The following RAB2B variants were observed in gnomAD, a reference collection of about 807,000 sequenced individuals.
The protein encoded by RAB2B is RAB2B, member RAS oncogene family, also known as ras-related protein Rab-2B.
RAB2B carries 20 observed loss-of-function variants against 29.8 expected under a neutral mutation model. That is an observed-to-expected ratio of 0.67 (90% CI 0.47 to 0.97). RAB2B has a LOEUF of 0.97. Among genes scored for constraint, RAB2B ranks in the 50% least tolerant of loss-of-function variants. The probability of loss-of-function intolerance (pLI) is 0.00; values close to 1 mark genes in which losing one functional copy is unlikely to be tolerated. For synonymous variants in RAB2B, 93 were observed against 91.7 expected (o/e 1.01, Z -0.08); for missense variants, 218 against 272.0 (o/e 0.80, Z 1.40).
chr14:21,463,277 T>C (rs56144428), intron 6 of RAB2B, among the ~76,000 whole-genome samples: 28,592 of 149,168 alleles, frequency 0.19, 3,659 homozygotes, highest in African/African-American at 0.35. Context: ...GATGGAGTTT[T>C]GCTCTGTTGC....
chr14:21,474,750 C>A, intron 3 of RAB2B, 117 bp downstream of exon 3: 1 of 773,474 alleles, frequency 1.3e-6, no homozygotes, highest in Non-Finnish European at 2.2e-6. Flanking sequence ...TTTGATTTCA[C>A]CTTTCCCCTA....
At chr14:21,463,468 A>G (rs1481508584) in intron 6 of RAB2B, among the ~76,000 whole-genome samples, 188 bp downstream of exon 6, 1 of 152,076 alleles carries the variant, frequency 6.6e-6, no homozygotes, top group Non-Finnish European at 1.5e-5. Flanking sequence ...GCTGGTCACA[A>G]ACTCCTGAGC....
chr14:21,475,690 G>A (rs560512217), intron 2 of RAB2B, among the ~76,000 whole-genome samples: 1 of 152,042 alleles, frequency 6.6e-6, no homozygotes, highest in Non-Finnish European at 1.5e-5. Flanking sequence ...AGCCCCTATC[G>A]CAAAGTGAGA....
intron 7 of RAB2B, among the ~76,000 whole-genome samples, chr14:21,462,038 G>T (rs1265717578): frequency 6.6e-6 from 1 of 152,152 alleles, no homozygotes; most frequent in Non-Finnish European, 1.5e-5. Context: ...AAGCAATTAT[G>T]AATTATACCT....
At chr14:21,463,333 G>A (rs555243647) in intron 6 of RAB2B, among the ~76,000 whole-genome samples, 1 of 146,824 alleles carries the variant, frequency 6.8e-6, no homozygotes, top group Admixed American at 7.0e-5. Flanking sequence ...TACAACCTCC[G>A]CCTCCTGGGT....
intron 3 of RAB2B, among the ~76,000 whole-genome samples, chr14:21,470,993 C>CAAAAAAAAAAAA (rs869211285): frequency 3.8e-4 from 38 of 98,758 alleles, no homozygotes; most frequent in African/African-American, 1.3e-3. Context: ...GCTAAAAATA[C>CAAAAAAAAAAAA]AAAAAAAAAA....
At chr14:21,463,829 A>G (rs953934271) in intron 5 of RAB2B, 62 bp from the exon 6 acceptor site, 49 of 1,115,074 alleles carry the variant, frequency 4.4e-5, no homozygotes, top group East Asian at 1.4e-4. Context: ...AGGAAAGTCT[A>G]TTTCTAAAAG....
chr14:21,464,586 G>GTCC (rs1186155280), intron 5 of RAB2B, among the ~76,000 whole-genome samples: 1 of 152,048 alleles, frequency 6.6e-6, no homozygotes, highest in Admixed American at 6.6e-5. Flanking sequence ...GCATATAAAA[G>GTCC]CAGCTTGCCA....
Position 21,468,730 on chromosome 14 carries a change from G to T in RAB2B, c.209C>A (p.Ser70Tyr). The T allele has an allele frequency of 6.4e-7, 1 of 1,556,674 alleles. No homozygotes were observed. The highest frequency in any genetic ancestry group is 1.4e-5 in the African/African-American group (1 of 72,698). Residue 70 changes from serine (S) to tyrosine (Y), a missense_variant, in exon 4 of 8, where the codon TCT becomes TAT. By Grantham distance (144) the Ser-to-Tyr change is moderately radical. Transcript: ENST00000397762. ...WDTAGQESFR[S>Y]ITRSYYRGAA... ...TCCCCTGTAGTAGGAACGGGTGATA[G>T]AACGGAAGGATTCTTGCCCAGCCTT...
In RAB2B at chr14:21,463,063, G is replaced by C. The variant is rs1694315943; in HGVS notation, c.474+593C>G. 2.0e-5 allele frequency among the ~76,000 whole-genome samples: 3 copies of C among 151,886 alleles called. 1 individual carries two copies. Among genetic ancestry groups the C allele is most frequent in the Admixed American group, 2.0e-4 (3 of 15,244 alleles). On this transcript the variant is annotated intron_variant, in intron 6 of 7. Transcript: ENST00000397762. ...AACACCAGGCCTAGGAATGACTACA[G>C]TAGAACCCATTAGACACTCCAACCA...
chr14:21,475,703 T>C (rs1447254674), intron 2 of RAB2B, among the ~76,000 whole-genome samples: 2 of 152,232 alleles, frequency 1.3e-5, no homozygotes, highest in East Asian at 3.8e-4. Flanking sequence ...AAGTGAGAAT[T>C]CGCTCAATAT....
At chr14:21,473,873 G>A (rs1456212720) in intron 3 of RAB2B, among the ~76,000 whole-genome samples, 9 of 152,140 alleles carry the variant, frequency 5.9e-5, no homozygotes, top group African/African-American at 2.2e-4. Context: ...TTAGCCAGGC[G>A]TGGTGTCAGG....
At chr14:21,469,992 C>A (rs368449580) in intron 3 of RAB2B, among the ~76,000 whole-genome samples, 1 of 147,110 alleles carries the variant, frequency 6.8e-6, no homozygotes, top group African/African-American at 2.6e-5. Flanking sequence ...CGCTCTGTTG[C>A]CCGGGCTGGA....
intron 3 of RAB2B, among the ~76,000 whole-genome samples, chr14:21,473,730 C>A (rs1050279520): frequency 6.6e-6 from 1 of 151,988 alleles, no homozygotes; most frequent in Non-Finnish European, 1.5e-5. Flanking sequence ...ATACAAAAAA[C>A]GTCCGGGAGT....
At chr14:21,465,916 T>TA (rs78493321) in intron 5 of RAB2B, among the ~76,000 whole-genome samples, 1 of 152,034 alleles carries the variant, frequency 6.6e-6, no homozygotes, top group Non-Finnish European at 1.5e-5. Context: ...AATACCCTTT[T>TA]AAAAAAATCT....
intron 5 of RAB2B, among the ~76,000 whole-genome samples, chr14:21,464,942 C>T (rs1890652695): frequency 6.6e-6 from 1 of 151,712 alleles, no homozygotes; most frequent in African/African-American, 2.4e-5. Flanking sequence ...AACAGGTTGC[C>T]GTGAGCTGAG....
intron 5 of RAB2B, among the ~76,000 whole-genome samples, chr14:21,467,730 G>A (rs960344915): frequency 9.2e-5 from 14 of 152,138 alleles, no homozygotes; most frequent in African/African-American, 3.4e-4. Flanking sequence ...ATACCCAAAA[G>A]AATTCAGAGC....
In RAB2B at chr14:21,474,907, T is replaced by C. The variant is rs767487211; in HGVS notation, c.146A>G (p.Asn49Ser). The C allele has an allele frequency of 3.7e-6, 6 of 1,614,026 alleles. No individual in the cohort carries two copies. In the Admixed American group the frequency reaches 5.0e-5, roughly 13 times the overall value. ...CAGTTTGATTTGTTTTCCATCAATG[T>C]TGACCATACGAGCTCCAAACTCCAC... ...IGVEFGARMV[N>S]IDGKQIKLQI... Residue 49 changes from asparagine to serine, a missense_variant, in exon 3 of 8, where the codon AAC becomes AGC. Transcript: ENST00000397762.
At chr14:21,476,682 G>C (rs774116867) in intron 1 of RAB2B, 83 bp from the exon 2 acceptor site, 11 of 1,611,300 alleles carry the variant, frequency 6.8e-6, no homozygotes, top group Middle Eastern at 1.7e-4. Context: ...GAGAAGGGGG[G>C]CTCCCGAGCC....
Sources: gnomAD v4.1 joint callset for allele counts (sites outside exome capture counted in the v4.1 genomes callset) on GRCh38, gnomAD v4.1.1 for gene constraint, MANE v1.5 for transcripts, NCBI Gene and HGNC (gene_info 2026-07-23, HGNC 2026-07-21) for gene names.